ROBO2: variants seen among roughly 807,000 people sequenced by gnomAD.
ROBO2 encodes the protein roundabout guidance receptor 2.
A neutral mutation model predicts 160.8 loss-of-function variants in ROBO2; 53 were observed. The ratio of observed to expected loss-of-function variants is 0.33; its 90% CI spans 0.26 to 0.41. The LOEUF (loss-of-function observed/expected upper bound fraction) is 0.41. Ranked by LOEUF, ROBO2 falls within the 10% of genes least tolerant of loss-of-function variation. ROBO2 has a pLI of 1.00. For missense variants in ROBO2, 1,577 were observed against 1,722.4 expected (o/e 0.92, Z 1.49); for synonymous variants, 664 against 611.7 (o/e 1.09, Z -1.26).
At chr3:76,617,745 C>A (rs763925323) in intron 2 of ROBO2, among the ~76,000 whole-genome samples, 5 of 152,054 alleles carry the variant, frequency 3.3e-5, no homozygotes, top group Non-Finnish European at 7.4e-5. Flanking sequence ...ATATCCAAGA[C>A]TATGCAATTT....
At chr3:76,374,936 T>C (rs1311403951) in intron 2 of ROBO2, among the ~76,000 whole-genome samples, 1 of 150,200 alleles carries the variant, frequency 6.7e-6, no homozygotes, top group East Asian at 1.9e-4. Flanking sequence ...GTACGCTTTC[T>C]TCTTCTTTTT....
chr3:76,028,180 A>G (rs554327260), intron 2 of ROBO2, among the ~76,000 whole-genome samples: 3 of 151,920 alleles, frequency 2.0e-5, no homozygotes, highest in Non-Finnish European at 2.9e-5. Context: ...CATAAGCACA[A>G]TAAAACACGT....
intron 13 of ROBO2, among the ~76,000 whole-genome samples, chr3:77,573,261 T>C (rs1313028544): frequency 6.6e-6 from 1 of 152,006 alleles, no homozygotes; most frequent in African/African-American, 2.4e-5. Context: ...AAATCCATAG[T>C]TGTTTTCTCC....
chr3:76,146,998 A>G (rs1381478393), intron 2 of ROBO2, among the ~76,000 whole-genome samples: 1 of 151,262 alleles, frequency 6.6e-6, no homozygotes, highest in Non-Finnish European at 1.5e-5. Context: ...GTGGGAGAAG[A>G]TCAGGAAAAA....
intron 2 of ROBO2, among the ~76,000 whole-genome samples, chr3:76,493,365 A>ATATATATATATATATATATT (rs61651925): frequency 7.6e-6 from 1 of 132,014 alleles, no homozygotes. Context: ...ATATATATAT[A>ATATATATATATATATATATT]ATTGTATATA....
At chr3:77,647,327 T>C (rs1307773692) in exon 26 of ROBO2, 1 of 152,134 alleles carries the variant, frequency 6.6e-6, no homozygotes, top group African/African-American at 2.4e-5. Flanking sequence ...CGAGAGTATG[T>C]TCAGTTCGCA....
At chr3:77,485,672 T>C (rs2085266637) in intron 4 of ROBO2, among the ~76,000 whole-genome samples, 1 of 152,184 alleles carries the variant, frequency 6.6e-6, no homozygotes, top group African/African-American at 2.4e-5. Context: ...GTTTTTCTTT[T>C]CTCTAATTCC....
chr3:76,205,809 T>A (rs980225036), intron 2 of ROBO2, among the ~76,000 whole-genome samples: 13 of 152,152 alleles, frequency 8.5e-5, no homozygotes, highest in Admixed American at 2.0e-4. Flanking sequence ...TACCTCCGTT[T>A]GAGGGTTCTG....
rs1324186840 is a variant in ROBO2 at position 77,295,418 on chromosome 3, T to C, written c.389-181996T>C. On this transcript the variant is annotated intron_variant, in intron 2 of 25. Transcript: ENST00000461745. The stretch of plus-strand genomic sequence containing the variant: ...TAAAGACATAAAGTAAAATTGATGG[T>C]TAAATGGGAAGTTGAGGCTAGAACA... Among the ~76,000 whole-genome samples the C allele has an allele frequency of 1.0e-4, 15 of 148,880 alleles. 1 individual carries two copies. The highest frequency in any genetic ancestry group is 3.3e-4 in the African/African-American group (13 of 39,224).
At chr3:75,938,938 T>A (rs1423884820) in intron 2 of ROBO2, among the ~76,000 whole-genome samples, 1 of 152,202 alleles carries the variant, frequency 6.6e-6, no homozygotes, top group Non-Finnish European at 1.5e-5. Context: ...ATACACATAG[T>A]AGTTTTTTCA....
intron 2 of ROBO2, among the ~76,000 whole-genome samples, chr3:77,445,794 G>GTTTTTTTTTTTTTTTTTTTTTT (rs199914360): frequency 8.1e-6 from 1 of 123,078 alleles, no homozygotes; most frequent in African/African-American, 3.2e-5. Flanking sequence ...GTTTTTTTTT[G>GTTTTTTTTTTTTTTTTTTTTTT]TTTTTTTTTT....
chr3:76,351,918 T>G (rs957693815), intron 2 of ROBO2, among the ~76,000 whole-genome samples: 1 of 151,964 alleles, frequency 6.6e-6, no homozygotes, highest in Non-Finnish European at 1.5e-5. Flanking sequence ...AATCAAAGTG[T>G]TTGGGACATA....
intron 2 of ROBO2, among the ~76,000 whole-genome samples, chr3:76,515,244 C>T (rs925342877): frequency 3.3e-5 from 5 of 152,108 alleles, no homozygotes; most frequent in African/African-American, 1.2e-4. Flanking sequence ...TCGCCTTCTT[C>T]CTCCCTGACT....
intron 2 of ROBO2, among the ~76,000 whole-genome samples, chr3:76,444,225 G>A (rs190431726): frequency 3.3e-5 from 5 of 152,114 alleles, no homozygotes; most frequent in South Asian, 2.1e-4. Context: ...TGATCCACCC[G>A]CCTTGGCCTC....
At chr3:76,034,672 T>A (rs1239370806) in intron 2 of ROBO2, among the ~76,000 whole-genome samples, 1 of 152,190 alleles carries the variant, frequency 6.6e-6, no homozygotes, top group Non-Finnish European at 1.5e-5. Context: ...CTTCTTGTCT[T>A]ATCACCTCAA....
At chr3:76,748,369 C>T (rs2093926785) in intron 2 of ROBO2, among the ~76,000 whole-genome samples, 1 of 151,494 alleles carries the variant, frequency 6.6e-6, no homozygotes, top group South Asian at 2.1e-4. Context: ...ACATTTATTA[C>T]CAAGCCTAAA....
intron 2 of ROBO2, among the ~76,000 whole-genome samples, chr3:76,258,694 G>C (rs1706554211): frequency 6.6e-6 from 1 of 151,860 alleles, no homozygotes; most frequent in Admixed American, 6.6e-5. Context: ...AAAATGTGTA[G>C]CTTATTTTAG....
intron 2 of ROBO2, among the ~76,000 whole-genome samples, chr3:76,774,051 G>A (rs999506958): frequency 6.6e-6 from 1 of 150,734 alleles, no homozygotes; most frequent in African/African-American, 2.4e-5. Flanking sequence ...ATTTCTGTGG[G>A]GCTTCAAGTC....
chr3:76,674,758 C>T (rs979762068), intron 2 of ROBO2, among the ~76,000 whole-genome samples: 11 of 152,136 alleles, frequency 7.2e-5, no homozygotes, highest in East Asian at 3.9e-4. Context: ...GCGTTTCTAA[C>T]GTGCTTCCAG....
Sources: gnomAD v4.1 joint callset for allele counts (sites outside exome capture counted in the v4.1 genomes callset) on GRCh38, gnomAD v4.1.1 for gene constraint, MANE v1.5 for transcripts, NCBI Gene and HGNC (gene_info 2026-07-23, HGNC 2026-07-21) for gene names.